Variants in CLIC6 observed in about 807,000 individuals in gnomAD.
CLIC6 encodes chloride intracellular channel protein 6.
In CLIC6, 39 loss-of-function variants were observed where a neutral mutation model predicts 49.2. The observed-to-expected ratio is 0.79, with a 90% CI of 0.61 to 1.04. CLIC6 has a LOEUF of 1.04. Ranked by LOEUF, CLIC6 falls within the 50% of genes least tolerant of loss-of-function variation. The pLI is 0.00. For missense variants in CLIC6, 988 were observed against 993.1 expected, an observed-to-expected ratio of 0.99 and a Z score of 0.07; for synonymous variants, 446 against 433.4, an observed-to-expected ratio of 1.03 and a Z score of -0.36.
chr21:34,671,780 A>G (rs1036893597), intron 1 of CLIC6, among the ~76,000 whole-genome samples: 1 of 152,232 alleles, frequency 6.6e-6, no homozygotes, highest in South Asian at 2.1e-4. Context: ...GCACATTTTA[A>G]TAAGTAAAAG....
At chr21:34,671,466 C>T (rs1323101991) in intron 1 of CLIC6, among the ~76,000 whole-genome samples, 1 of 152,114 alleles carries the variant, frequency 6.6e-6, no homozygotes, top group Non-Finnish European at 1.5e-5. Context: ...TGTTTTTAAC[C>T]TCAGTTCACA....
intron 1 of CLIC6, among the ~76,000 whole-genome samples, chr21:34,686,143 C>T (rs1989873358): frequency 6.6e-6 from 1 of 152,176 alleles, no homozygotes; most frequent in African/African-American, 2.4e-5. Flanking sequence ...GTGGCTCACA[C>T]CTGTAATCCC....
Position 34,670,272 on chromosome 21 carries a change from A to G in CLIC6, c.884A>G (p.Glu295Gly), listed in dbSNP as rs1278121627. 6.9e-7 allele frequency: 1 copy of G among 1,440,912 alleles called. No individual in the cohort carries two copies. Among genetic ancestry groups the G allele is most frequent in the Admixed American group, 2.8e-5 (1 of 36,184 alleles). The allele number at this position is 1,440,912 out of a possible 1,614,324, so 89.3% of individuals were successfully genotyped here. A position where few individuals can be genotyped will look rare whatever the true frequency, so the allele number is the denominator to read the frequency against. ...GGAAGGGCGCGCCGGGTCTCGGGTG[A>G]GCCGCAGCAATCGGGGGACGGCAGC... ...PAGRARRVSG[E>G]PQQSGDGSLS... is the part of the protein sequence containing the mutation. The change falls in exon 1 of 6, where the codon GAG becomes GGG. Residue 295 changes from glutamate (E) to glycine (G), a missense_variant. By Grantham distance (98) the Glu-to-Gly change is moderately conservative. Coordinates refer to ENST00000349499, the MANE Select transcript of CLIC6 (RefSeq NM_053277.3).
At chr21:34,675,597 A>G (rs1005204177) in intron 1 of CLIC6, among the ~76,000 whole-genome samples, 6 of 152,170 alleles carry the variant, frequency 3.9e-5, no homozygotes, top group African/African-American at 1.2e-4. Context: ...GTACCGGGTT[A>G]CTTGGGGGTG....
At chr21:34,715,999 G>T (rs2056083169) in intron 5 of CLIC6, among the ~76,000 whole-genome samples, 1 of 152,204 alleles carries the variant, frequency 6.6e-6, no homozygotes, top group Non-Finnish European at 1.5e-5. Flanking sequence ...CATATGGAAA[G>T]AAAGTAACAG....
intron 1 of CLIC6, among the ~76,000 whole-genome samples, chr21:34,674,012 C>T (rs1382406452): frequency 4.6e-5 from 7 of 152,194 alleles, no homozygotes; most frequent in African/African-American, 1.2e-4. Flanking sequence ...GAAAGTACTG[C>T]AATATTCTCT....
intron 5 of CLIC6, 123 bp downstream of exon 5, chr21:34,709,661 A>T (rs913508420): frequency 2.3e-6 from 2 of 875,634 alleles, no homozygotes. Context: ...GATTAAAAAC[A>T]CTAGTTCTGT....
At chr21:34,689,325 G>A (rs1236335091) in intron 1 of CLIC6, among the ~76,000 whole-genome samples, 7 of 152,194 alleles carry the variant, frequency 4.6e-5, no homozygotes, top group African/African-American at 1.7e-4. Flanking sequence ...CCACAGGTGC[G>A]TGTTGACATT....
At chr21:34,688,699 G>A (rs1568962109) in intron 1 of CLIC6, among the ~76,000 whole-genome samples, 2 of 152,230 alleles carry the variant, frequency 1.3e-5, no homozygotes, top group East Asian at 3.8e-4. Flanking sequence ...GGCAGAGGGT[G>A]CAGGGAGACA....
At chr21:34,700,143 C>T (rs898994949) in intron 1 of CLIC6, among the ~76,000 whole-genome samples, 8 of 152,178 alleles carry the variant, frequency 5.3e-5, no homozygotes, top group Non-Finnish European at 8.8e-5. Flanking sequence ...GTGTCAGCTT[C>T]CAGCTTGCTT....
At chr21:34,675,219 G>C (rs1320593453) in intron 1 of CLIC6, among the ~76,000 whole-genome samples, 1 of 145,484 alleles carries the variant, frequency 6.9e-6, no homozygotes, top group Middle Eastern at 3.3e-3. Flanking sequence ...CTTTGAATAA[G>C]CACTGTCACC....
chr21:34,689,828 G>A (rs1989956998), intron 1 of CLIC6, among the ~76,000 whole-genome samples: 1 of 152,142 alleles, frequency 6.6e-6, no homozygotes, highest in Non-Finnish European at 1.5e-5. Flanking sequence ...ACAACTCCAT[G>A]TCTTTGTTGG....
In CLIC6 at chr21:34,669,978, G is replaced by A; in HGVS notation, c.590G>A (p.Gly197Glu). ...AGCGTAGACGCGGAAGGTCCGGCGGGGGACAGCGTAGACGCGGAGGGCCCG... is the reference window on the plus strand; with the variant it reads ...AGCGTAGACGCGGAAGGTCCGGCGGAGGACAGCGTAGACGCGGAGGGCCCG... ...GDSVDAEGPA[G>E]DSVDAEGPLG... The change falls in exon 1 of 6, where the codon GGG becomes GAG. Residue 197 changes from glycine (G) to glutamate (E), a missense_variant. Around this residue, in one of 3 missense-constraint regions of CLIC6, gnomAD observed 57 missense variants for 117.6 expected, o/e 0.48. Transcript: ENST00000349499. 1.4e-6 allele frequency: 2 copies of A among 1,384,224 alleles called. No individual in the cohort carries two copies. Among genetic ancestry groups the A allele is most frequent in the Non-Finnish European group, 9.3e-7 (1 of 1,077,722 alleles). The allele number at this position is 1,384,224 out of a possible 1,614,324, so 85.7% of individuals were successfully genotyped here. A position where few individuals can be genotyped will look rare whatever the true frequency, so the allele number is the denominator to read the frequency against.
chr21:34,678,734 A>G (rs926110727), intron 1 of CLIC6, among the ~76,000 whole-genome samples: 1 of 152,346 alleles, frequency 6.6e-6, no homozygotes. Context: ...TTAGTATAAC[A>G]TATTTATGTA....
chr21:34,700,464 A>G (rs1176800156), intron 1 of CLIC6, among the ~76,000 whole-genome samples: 3 of 133,420 alleles, frequency 2.2e-5, no homozygotes, highest in Non-Finnish European at 3.2e-5. Context: ...AAAAAAAAAG[A>G]AAAGAAAAGA....
intron 1 of CLIC6, among the ~76,000 whole-genome samples, chr21:34,694,594 G>T (rs1990059432): frequency 6.6e-6 from 1 of 152,134 alleles, no homozygotes; most frequent in Non-Finnish European, 1.5e-5. Flanking sequence ...CAGCCATGTA[G>T]GATGTGCCTG....
At chr21:34,686,638 C>T (rs1374322838) in intron 1 of CLIC6, among the ~76,000 whole-genome samples, 6 of 152,192 alleles carry the variant, frequency 3.9e-5, no homozygotes, top group East Asian at 3.9e-4. Context: ...GACTGTGTGG[C>T]TTCTGCCTTA....
intron 5 of CLIC6, among the ~76,000 whole-genome samples, chr21:34,710,362 C>A (rs1406501555): frequency 1.3e-5 from 2 of 152,180 alleles, no homozygotes; most frequent in Non-Finnish European, 2.9e-5. Context: ...CAGCTTTTGG[C>A]TGAGTCTCTG....
intron 1 of CLIC6, among the ~76,000 whole-genome samples, chr21:34,672,618 T>G (rs1345508376): frequency 2.0e-5 from 3 of 152,216 alleles, no homozygotes; most frequent in Non-Finnish European, 4.4e-5. Flanking sequence ...GTGAAATTCA[T>G]CATTCTATCT....
Sources: allele counts gnomAD v4.1 joint callset (sites outside exome capture counted in the v4.1 genomes callset), GRCh38; gene constraint gnomAD v4.1.1; regional missense constraint gnomAD v4.1.1; transcripts MANE v1.5; gene names NCBI Gene and HGNC (gene_info 2026-07-23, HGNC 2026-07-21).